Variants in RC3H1 observed in about 807,000 individuals in gnomAD.
The protein encoded by RC3H1 is roquin-1.
In RC3H1, 50 loss-of-function variants were observed where a neutral mutation model predicts 138.2. The ratio of observed to expected loss-of-function variants is 0.36; its 90% CI spans 0.29 to 0.46. The LOEUF (loss-of-function observed/expected upper bound fraction) is 0.46, where lower values mean the gene tolerates loss of function less well. RC3H1 is among the 20% of genes least tolerant of loss of function. The pLI, the probability that RC3H1 is intolerant of heterozygous loss-of-function variation, is 1.00. For missense variants in RC3H1, 1,031 were observed against 1,388.1 expected (o/e 0.74, Z 4.09); for synonymous variants, 462 against 489.1 (o/e 0.94, Z 0.73).
intron 1 of RC3H1, among the ~76,000 whole-genome samples, chr1:174,007,307 G>A (rs957751082): frequency 1.3e-5 from 2 of 151,516 alleles, no homozygotes; most frequent in African/African-American, 2.4e-5. Context: ...GGAGAATGGC[G>A]TGAACCCGGG....
intron 7 of RC3H1, 109 bp downstream of exon 7, chr1:173,978,379 G>C (rs1660668632): frequency 1.8e-6 from 2 of 1,123,270 alleles, no homozygotes. Context: ...AAAAGATCTG[G>C]AGTAACTACT....
At chr1:173,944,280 A>C (rs1334016869) in intron 17 of RC3H1, among the ~76,000 whole-genome samples, 1 of 152,162 alleles carries the variant, frequency 6.6e-6, no homozygotes, top group Non-Finnish European at 1.5e-5. Flanking sequence ...AAATCCTATA[A>C]CTTATTTCAA....
At chr1:173,945,750 T>TG (rs1441668297) in intron 17 of RC3H1, among the ~76,000 whole-genome samples, 1 of 151,798 alleles carries the variant, frequency 6.6e-6, no homozygotes. Context: ...CACTGTAGCC[T>TG]GGGCTGGAGT....
At chr1:173,943,166 T>G (rs1307824226) in intron 18 of RC3H1, among the ~76,000 whole-genome samples, 1 of 152,220 alleles carries the variant, frequency 6.6e-6, no homozygotes, top group Non-Finnish European at 1.5e-5. Flanking sequence ...AACAGAAATT[T>G]AAGACTTCCA....
chr1:173,971,328 T>C, intron 8 of RC3H1, among the ~76,000 whole-genome samples: 1 of 152,322 alleles, frequency 6.6e-6, no homozygotes, highest in Non-Finnish European at 1.5e-5. Context: ...ATATAAATTA[T>C]CTTCTAATAT....
At chr1:173,986,382 C>T (rs1453789932) in intron 2 of RC3H1, among the ~76,000 whole-genome samples, 2 of 152,142 alleles carry the variant, frequency 1.3e-5, no homozygotes, top group Admixed American at 6.5e-5. Flanking sequence ...GAAAGAGTCT[C>T]GCTCTGTCAC....
chr1:173,932,747 T>C lies in RC3H1; in HGVS notation c.*5974A>G, dbSNP rs1246013835. On this transcript the variant is annotated 3_prime_UTR_variant, in exon 20 of 20. Transcript: ENST00000367696. ...TGGGGTAGTTCAGATATTATAAGAA[T>C]GACAGCCAATCAATGGAGAAAGATT... 6.6e-6 allele frequency: 1 copy of C among 151,856 alleles called. No individual in the cohort carries two copies. The highest frequency in any genetic ancestry group is 6.6e-5 in the Admixed American group (1 of 15,238). 9.4% of individuals were successfully genotyped at this position (151,856 alleles called of 1,614,324 possible). A position where few individuals can be genotyped will look rare whatever the true frequency, so the allele number is the denominator to read the frequency against.
intron 1 of RC3H1, among the ~76,000 whole-genome samples, chr1:174,013,030 T>C (rs2103099803): frequency 6.6e-6 from 1 of 151,788 alleles, no homozygotes. Flanking sequence ...AATAAAATTT[T>C]AGAAAATTAA....
rs1273291717 is a variant in RC3H1 at position 173,938,368 on chromosome 1, C to T, written c.*353G>A. ...ACAAGAAAACCTACTTCATTAAGAT[C>T]ATACAATTAATCAAACAGAGTGTAT... On this transcript the variant is annotated 3_prime_UTR_variant, in exon 20 of 20. Coordinates refer to ENST00000367696, the MANE Select transcript of RC3H1 (RefSeq NM_172071.4). The T allele has an allele frequency of 1.3e-5, 2 of 157,416 alleles. No individual in the cohort carries two copies. The highest frequency in any genetic ancestry group is 2.8e-5 in the Non-Finnish European group (2 of 71,622). The allele number at this position is 157,416 out of a possible 1,614,324, so 9.8% of individuals were successfully genotyped here.
At chr1:173,948,222 T>C (rs1659220953) in intron 14 of RC3H1, among the ~76,000 whole-genome samples, 1 of 152,182 alleles carries the variant, frequency 6.6e-6, no homozygotes, top group African/African-American at 2.4e-5. Context: ...CAATCAATCA[T>C]AAGAGGACCA....
intron 19 of RC3H1, among the ~76,000 whole-genome samples, chr1:173,940,030 T>C (rs1388848547): frequency 6.6e-6 from 1 of 152,204 alleles, no homozygotes; most frequent in Non-Finnish European, 1.5e-5. Context: ...TACTGTTTAT[T>C]GTAGGGTTGT....
At chr1:173,980,478 T>A (rs2025241) in intron 6 of RC3H1, among the ~76,000 whole-genome samples, 3 of 152,024 alleles carry the variant, frequency 2.0e-5, no homozygotes, top group African/African-American at 7.2e-5. Context: ...ATTAAGATTT[T>A]AGTAAATGTT....
At chr1:174,021,987 G>A (rs1010853296) in intron 1 of RC3H1, 109 bp downstream of exon 1, 5 of 380,826 alleles carry the variant, frequency 1.3e-5, no homozygotes, top group African/African-American at 2.1e-5. Flanking sequence ...CGGAGGAGCA[G>A]AGGGCGGGCG....
rs370201691 is a variant in RC3H1 at position 173,961,782 on chromosome 1, G to C, written c.2145C>G (p.Ile715Met). Residue 715 changes from isoleucine to methionine, a missense_variant, in exon 12 of 20, where the codon ATC becomes ATG. Coordinates refer to ENST00000367696, the MANE Select transcript of RC3H1 (RefSeq NM_172071.4). ...GAGGAGCCACTGGATAGTAACTCTCGATCTGTTGGTATCTTTCTCTGGATT... is the reference window on the plus strand; with the variant it reads ...GAGGAGCCACTGGATAGTAACTCTCCATCTGTTGGTATCTTTCTCTGGATT... ...VPESRERYQQ[I>M]ESYYPVAPHP... 1 of 1,613,102 alleles carries C rather than the reference G, an allele frequency of 6.2e-7. No homozygotes were observed. Among genetic ancestry groups the C allele is most frequent in the Admixed American group, 1.7e-5 (1 of 60,016 alleles).
At chr1:174,010,325 G>A (rs1661728470) in intron 1 of RC3H1, among the ~76,000 whole-genome samples, 1 of 151,190 alleles carries the variant, frequency 6.6e-6, no homozygotes, top group African/African-American at 2.5e-5. Context: ...ACGTGCCAGT[G>A]TCCCAGAAAC....
chr1:174,008,689 T>C (rs1661696456), intron 1 of RC3H1, among the ~76,000 whole-genome samples: 1 of 152,114 alleles, frequency 6.6e-6, no homozygotes, highest in Admixed American at 6.5e-5. Flanking sequence ...TAAAAGGGGA[T>C]GTTCTGGCCA....
At chr1:173,994,509 A>G (rs1661414362) in intron 1 of RC3H1, among the ~76,000 whole-genome samples, 1 of 152,124 alleles carries the variant, frequency 6.6e-6, no homozygotes, top group African/African-American at 2.4e-5. Flanking sequence ...ACTCATACAA[A>G]TTTTTCAGGC....
intron 1 of RC3H1, among the ~76,000 whole-genome samples, chr1:174,010,092 A>C (rs1420206438): frequency 6.6e-6 from 1 of 152,082 alleles, no homozygotes; most frequent in African/African-American, 2.4e-5. Context: ...ACCACTAGAC[A>C]ATGCACATTT....
chr1:173,956,511 T>C (rs1659653041), intron 13 of RC3H1, among the ~76,000 whole-genome samples: 1 of 151,646 alleles, frequency 6.6e-6, no homozygotes, highest in Admixed American at 6.6e-5. Context: ...AATACAAAAT[T>C]AGCTGGGCGT....
Sources: allele counts gnomAD v4.1 joint callset (sites outside exome capture counted in the v4.1 genomes callset), GRCh38; gene constraint gnomAD v4.1.1; transcripts MANE v1.5; gene names NCBI Gene and HGNC (gene_info 2026-07-23, HGNC 2026-07-21).